The following PDS5B variants were observed in gnomAD, a reference collection of about 807,000 sequenced individuals.
PDS5B encodes PDS5 cohesin associated factor B.
Under a neutral mutation model 184.1 loss-of-function variants are expected in PDS5B, and 51 were observed. The ratio of observed to expected loss-of-function variants is 0.28; its 90% CI spans 0.22 to 0.35. The LOEUF is 0.35. Ranked by LOEUF, PDS5B falls within the 10% of genes least tolerant of loss-of-function variation. The probability of loss-of-function intolerance (pLI) is 1.00; values close to 1 mark genes in which losing one functional copy is unlikely to be tolerated. For missense variants in PDS5B, 1,180 were observed against 1,723.3 expected (o/e 0.68, Z 5.58); for synonymous variants, 566 against 569.2 (o/e 0.99, Z 0.08).
chr13:32,717,364 T>G (rs1952491150), intron 19 of PDS5B, among the ~76,000 whole-genome samples: 1 of 150,676 alleles, frequency 6.6e-6, no homozygotes, highest in Admixed American at 6.6e-5. Flanking sequence ...TCTTCTGCCT[T>G]GGGATCCTGT....
chr13:32,725,128 T>C lies in PDS5B; in HGVS notation c.2124-6973T>C, dbSNP rs758153862. Among the ~76,000 whole-genome samples, 4 of 152,204 alleles carry C rather than the reference T, an allele frequency of 2.6e-5. No homozygotes were observed. The South Asian group carries it at 6.2e-4, about 24-fold the overall frequency. ...TACTTTTGTAAAAAGCAAATTCTTA[T>C]CGATTCTTTGGTTTCCCAGTGTTAT... On this transcript the variant is annotated intron_variant, in intron 19 of 34. Transcript: ENST00000315596.
rs372316831 is a variant in PDS5B, at chr13:32,659,312, A to C, written c.624+32A>C. ...AGCAATGTATACTGTAATGTGTCTA[A>C]TGCCCGTTAATATTAAGGCTTAAAA... On this transcript the variant is annotated intron_variant, in intron 6 of 34. Coordinates refer to ENST00000315596, the MANE Select transcript of PDS5B (RefSeq NM_015032.4). The C allele has an allele frequency of 2.7e-6, 4 of 1,481,546 alleles. No homozygotes were observed. The South Asian group carries it at 5.9e-5, about 22-fold the overall frequency. 91.8% of individuals were successfully genotyped at this position (1,481,546 alleles called of 1,614,324 possible). A position where few individuals can be genotyped will look rare whatever the true frequency, so the allele number is the denominator to read the frequency against.
At chr13:32,621,262 G>C (rs2058297439) in intron 1 of PDS5B, among the ~76,000 whole-genome samples, 1 of 152,196 alleles carries the variant, frequency 6.6e-6, no homozygotes, top group Admixed American at 6.5e-5. Context: ...TCAGGAGTTT[G>C]AGAGCAGCCT....
At chr13:32,715,819 T>G (rs1952374753) in intron 19 of PDS5B, among the ~76,000 whole-genome samples, 1 of 152,194 alleles carries the variant, frequency 6.6e-6, no homozygotes, top group Non-Finnish European at 1.5e-5. Context: ...CCGCCACGCC[T>G]GACTGGTTTT....
rs1215043654 is a variant in PDS5B, at chr13:32,688,540, G to C, written c.1440G>C (p.Leu480Phe). ...AACGGATGAAATGCTTATATTACTT[G>C]TATGCCACACTGGATTTAAATGCTG... ...TTERMKCLYY[L>F]YATLDLNAVK... Residue 480 changes from leucine to phenylalanine, a missense_variant, in exon 13 of 35, where the codon TTG becomes TTC. This residue lies in a region of PDS5B where 475 missense variants were observed against 691.5 expected (regional missense o/e 0.69). Coordinates refer to ENST00000315596, the MANE Select transcript of PDS5B (RefSeq NM_015032.4). 2 of 1,594,968 alleles carry C rather than the reference G, an allele frequency of 1.3e-6. No homozygotes were observed. Among genetic ancestry groups the C allele is most frequent in the East Asian group, 2.2e-5 (1 of 44,672 alleles).
intron 1 of PDS5B, among the ~76,000 whole-genome samples, chr13:32,611,503 C>CTTT (rs35825698): frequency 2.1e-4 from 23 of 110,896 alleles, no homozygotes; most frequent in African/African-American, 3.5e-4. Context: ...TTGGTTAAAA[C>CTTT]TTTTTTTTTT....
At chr13:32,720,950 G>A (rs1035272351) in intron 19 of PDS5B, among the ~76,000 whole-genome samples, 8 of 152,202 alleles carry the variant, frequency 5.3e-5, no homozygotes, top group Middle Eastern at 6.8e-3. Context: ...CAGAGAGCAC[G>A]GGGTTGGGGG....
Position 32,770,331 on chromosome 13 carries a change from G to A in PDS5B, c.3835G>A (p.Asp1279Asn). The change falls in exon 32 of 35, where the codon GAT becomes AAT. Residue 1279 changes from aspartate to asparagine, a missense_variant. Coordinates refer to ENST00000315596, the MANE Select transcript of PDS5B (RefSeq NM_015032.4). ...CAAAGAAGATATATTAGAAAATGAA[G>A]ATGAACAGAATAGTCCGCCAAAAAA... ...RLKEDILENE[D>N]EQNSPPKKGK... is the part of the protein sequence containing the mutation. The A allele has an allele frequency of 6.2e-7, 1 of 1,613,482 alleles. No homozygotes were observed.
chr13:32,706,362 A>G (rs1952016486), intron 17 of PDS5B, among the ~76,000 whole-genome samples: 1 of 152,002 alleles, frequency 6.6e-6, no homozygotes. Context: ...AGAAAGCTTG[A>G]AAACATCATG....
At chr13:32,747,268 CTTCTT>C (rs1953782163) in intron 24 of PDS5B, among the ~76,000 whole-genome samples, 1 of 152,214 alleles carries the variant, frequency 6.6e-6, no homozygotes, top group Non-Finnish European at 1.5e-5. Context: ...TAGTTTTTCT[CTTCTT>C]TTCCAAGTAG....
intron 1 of PDS5B, among the ~76,000 whole-genome samples, chr13:32,628,686 A>G (rs568911835): frequency 6.6e-6 from 1 of 152,028 alleles, no homozygotes; most frequent in Non-Finnish European, 1.5e-5. Flanking sequence ...CAAATATACT[A>G]TTAAACCCAC....
intron 1 of PDS5B, among the ~76,000 whole-genome samples, chr13:32,646,101 C>T (rs879585856): frequency 6.6e-6 from 1 of 151,988 alleles, no homozygotes; most frequent in Non-Finnish European, 1.5e-5. Context: ...ACTTCCTGGG[C>T]TTAAGCAGGA....
intron 1 of PDS5B, among the ~76,000 whole-genome samples, chr13:32,640,366 C>A (rs2058639395): frequency 6.6e-6 from 1 of 152,218 alleles, no homozygotes. Context: ...CTGGCCTCAG[C>A]CTCCTGAGTA....
At chr13:32,655,374 A>ATATATATATATTTTT in intron 3 of PDS5B, among the ~76,000 whole-genome samples, 9 of 72,466 alleles carry the variant, frequency 1.2e-4, no homozygotes, top group African/African-American at 6.6e-4. Flanking sequence ...ATATATATAT[A>ATATATATATATTTTT]TTTTTTTTTT....
chr13:32,701,237 G>A (rs957952560), intron 16 of PDS5B, 86 bp from the exon 17 acceptor site: 1 of 709,182 alleles, frequency 1.4e-6, no homozygotes, highest in Non-Finnish European at 2.5e-6. Flanking sequence ...GTACTACATG[G>A]TTTTAATTAT....
chr13:32,674,239 A>G (rs1414786511), intron 8 of PDS5B, among the ~76,000 whole-genome samples: 1 of 152,212 alleles, frequency 6.6e-6, no homozygotes, highest in African/African-American at 2.4e-5. Flanking sequence ...AAAGCTGGTT[A>G]TAATTATTAA....
chr13:32,756,799 T>C (rs1439589459), intron 26 of PDS5B, among the ~76,000 whole-genome samples: 1 of 152,174 alleles, frequency 6.6e-6, no homozygotes, highest in South Asian at 2.1e-4. Flanking sequence ...GCCCTTTTTT[T>C]CCCACTGCAG....
intron 24 of PDS5B, among the ~76,000 whole-genome samples, chr13:32,752,475 A>G (rs1176900588): frequency 6.6e-6 from 1 of 152,186 alleles, no homozygotes; most frequent in African/African-American, 2.4e-5. Context: ...GCTTAGAGAG[A>G]TAAAAACATA....
chr13:32,740,353 C>T (rs1953495357), intron 21 of PDS5B, among the ~76,000 whole-genome samples: 1 of 152,126 alleles, frequency 6.6e-6, no homozygotes, highest in Non-Finnish European at 1.5e-5. Flanking sequence ...TTACTTCATA[C>T]TTTGAAGGCA....
Sources: gnomAD v4.1 joint callset for allele counts (sites outside exome capture counted in the v4.1 genomes callset) on GRCh38, gnomAD v4.1.1 for gene constraint, gnomAD v4.1.1 regional missense constraint, MANE v1.5 for transcripts, NCBI Gene and HGNC (gene_info 2026-07-23, HGNC 2026-07-21) for gene names.